TFEC: variants seen among roughly 807,000 people sequenced by gnomAD.
TFEC encodes class E basic helix-loop-helix protein 34.
Under a neutral mutation model 41.6 loss-of-function variants are expected in TFEC, and 31 were observed. The observed-to-expected ratio is 0.74, with a 90% CI of 0.56 to 1.01. The LOEUF (loss-of-function observed/expected upper bound fraction) is 1.01, where lower values mean the gene tolerates loss of function less well. TFEC is among the 50% of genes least tolerant of loss of function. The pLI is 0.00. For synonymous variants in TFEC, 143 were observed against 140.6 expected, an observed-to-expected ratio of 1.02 and a Z score of -0.12; for missense variants, 402 against 404.1, an observed-to-expected ratio of 0.99 and a Z score of 0.04.
At chr7:116,009,243 A>G (rs1794912696) in intron 1 of TFEC, among the ~76,000 whole-genome samples, 1 of 152,186 alleles carries the variant, frequency 6.6e-6, no homozygotes, top group African/African-American at 2.4e-5. Context: ...CCATTTTTTA[A>G]AAGTATGAGT....
intron 3 of TFEC, among the ~76,000 whole-genome samples, chr7:116,081,102 T>G (rs1489967080): frequency 6.6e-6 from 1 of 151,402 alleles, no homozygotes; most frequent in Non-Finnish European, 1.5e-5. Flanking sequence ...TTATTCTAAG[T>G]GAAGTACCTC....
Position 116,090,267 on chromosome 7 carries a change from T to A in TFEC, c.198+20441A>T, listed in dbSNP as rs141540103. Among the ~76,000 whole-genome samples the A allele has an allele frequency of 1.1e-4, 16 of 152,248 alleles. No individual in the cohort carries two copies. The East Asian group carries it at 3.1e-3, about 29-fold the overall frequency. On this transcript the variant is annotated intron_variant, in intron 3 of 8. Coordinates refer to the TFEC transcript ENST00000484212. The stretch of plus-strand genomic sequence containing the variant: ...TCTTTCTGCAACCAATTAGACTGAT[T>A]GCGGGCCACCAATTCATTTACATGA...
Position 115,950,869 on chromosome 7 carries a change from C to T in TFEC, c.515+5G>A. Reference sequence around the variant, plus strand: ...CATTATTATAGAAATGATTGTTGAACTCACGGATCATTAGACTTTGGAATA... The same window carrying T: ...CATTATTATAGAAATGATTGTTGAATTCACGGATCATTAGACTTTGGAATA... On this transcript the variant is annotated splice_donor_5th_base_variant and intron_variant, in intron 6 of 7. Coordinates refer to ENST00000265440, the MANE Select transcript of TFEC (RefSeq NM_012252.4). 1.3e-6 allele frequency: 2 copies of T among 1,594,014 alleles called. No homozygotes were observed. The highest frequency in any genetic ancestry group is 1.7e-6 in the Non-Finnish European group (2 of 1,167,948).
intron 1 of TFEC, among the ~76,000 whole-genome samples, chr7:116,024,722 C>G (rs1045066850): frequency 6.6e-6 from 1 of 152,190 alleles, no homozygotes; most frequent in Admixed American, 6.5e-5. Flanking sequence ...CAGGGTCTCA[C>G]TTTTATCCCC....
intron 3 of TFEC, among the ~76,000 whole-genome samples, chr7:116,060,613 A>G (rs1378323241): frequency 6.6e-6 from 1 of 152,172 alleles, no homozygotes; most frequent in African/African-American, 2.4e-5. Context: ...ACTCAGGAAA[A>G]GAAACCAAAT....
chr7:116,080,846 C>A (rs997334594), intron 3 of TFEC, among the ~76,000 whole-genome samples: 2 of 151,962 alleles, frequency 1.3e-5, no homozygotes, highest in African/African-American at 2.4e-5. Context: ...AGGTATCTGG[C>A]CAGATGAAAA....
chr7:116,146,382 A>G (rs578192550), intron 1 of TFEC, among the ~76,000 whole-genome samples: 2 of 152,310 alleles, frequency 1.3e-5, no homozygotes, highest in South Asian at 2.1e-4. Flanking sequence ...TCTGAAAGAA[A>G]TATCCCTGTT....
intron 1 of TFEC, among the ~76,000 whole-genome samples, chr7:116,015,386 G>A (rs1199759067): frequency 1.3e-5 from 2 of 152,038 alleles, no homozygotes; most frequent in Non-Finnish European, 1.5e-5. Flanking sequence ...TTCTTTCTCA[G>A]CATGATCTGA....
intron 3 of TFEC, among the ~76,000 whole-genome samples, chr7:116,094,429 C>T (rs1037456720): frequency 4.6e-5 from 7 of 152,214 alleles, no homozygotes; most frequent in Admixed American, 3.3e-4. Flanking sequence ...GCCTGTAATC[C>T]CAGCACTTTG....
chr7:116,031,117 C>G (rs79039827), upstream of TFEC, among the ~76,000 whole-genome samples: 1 of 152,060 alleles, frequency 6.6e-6, no homozygotes, highest in Non-Finnish European at 1.5e-5. Flanking sequence ...ATGAACATTT[C>G]TTCAACAAAT....
intron 2 of TFEC, among the ~76,000 whole-genome samples, chr7:115,976,260 C>T (rs1415029546): frequency 6.6e-6 from 1 of 151,854 alleles, no homozygotes; most frequent in Non-Finnish European, 1.5e-5. Flanking sequence ...CCTGTCTCTA[C>T]TGAAAAATAC....
chr7:116,158,399 A>G (rs1753080508), intron 1 of TFEC, among the ~76,000 whole-genome samples: 1 of 152,130 alleles, frequency 6.6e-6, no homozygotes, highest in African/African-American at 2.4e-5. Flanking sequence ...CAAATTATTT[A>G]GTTGTGAAAA....
Position 116,149,043 on chromosome 7 carries a change from T to G in TFEC, c.-69+10747A>C, listed in dbSNP as rs532487778. 5.3e-5 allele frequency among the ~76,000 whole-genome samples: 8 copies of G among 152,186 alleles called. No homozygotes were observed. The South Asian group carries it at 1.7e-3, about 32-fold the overall frequency. ...TTATGGTGTATCCAGTTAAAATCTT[T>G]GAAACTGACAAAAATGGCTAAGCAT... On this transcript the variant is annotated intron_variant, in intron 1 of 8. Transcript: ENST00000484212.
intron 3 of TFEC, among the ~76,000 whole-genome samples, chr7:116,073,069 A>C (rs1796868601): frequency 6.6e-6 from 1 of 151,686 alleles, no homozygotes. Context: ...TGTAGATGGC[A>C]TGATCTCGTA....
chr7:116,143,320 A>C (rs377129113), intron 1 of TFEC, among the ~76,000 whole-genome samples: 16 of 152,300 alleles, frequency 1.1e-4, no homozygotes, highest in African/African-American at 3.4e-4. Flanking sequence ...CTCCTATCTT[A>C]TCTGCACCTC....
intron 1 of TFEC, among the ~76,000 whole-genome samples, chr7:115,995,840 GCAA>G (rs1205142621): frequency 6.6e-6 from 1 of 152,172 alleles, no homozygotes; most frequent in Non-Finnish European, 1.5e-5. Context: ...ACAGTGGAAA[GCAA>G]CATAGGGCAG....
intron 2 of TFEC, among the ~76,000 whole-genome samples, chr7:115,980,078 T>C (rs920272201): frequency 6.6e-6 from 1 of 152,196 alleles, no homozygotes; most frequent in Non-Finnish European, 1.5e-5. Context: ...ATTTTCTTCT[T>C]CTTTCTTACT....
At chr7:115,997,644 A>G (rs1794419223) in intron 1 of TFEC, among the ~76,000 whole-genome samples, 1 of 152,222 alleles carries the variant, frequency 6.6e-6, no homozygotes, top group Admixed American at 6.5e-5. Context: ...AAACAGAGAT[A>G]TATGACCTTT....
At chr7:116,058,115 C>T (rs1796471414) in intron 3 of TFEC, among the ~76,000 whole-genome samples, 1 of 151,524 alleles carries the variant, frequency 6.6e-6, no homozygotes, top group Non-Finnish European at 1.5e-5. Flanking sequence ...TTAATTAAGA[C>T]CTAACTATAT....
Sources: allele counts gnomAD v4.1 joint callset (sites outside exome capture counted in the v4.1 genomes callset), GRCh38; gene constraint gnomAD v4.1.1; transcripts MANE v1.5; gene names NCBI Gene and HGNC (gene_info 2026-07-23, HGNC 2026-07-21).